Variants in STPG2 observed in about 807,000 individuals in gnomAD.
STPG2 encodes sperm tail PG-rich repeat containing 2.
A neutral mutation model predicts 54.2 loss-of-function variants in STPG2; 56 were observed. That is an observed-to-expected ratio of 1.03 (90% CI 0.83 to 1.29). The LOEUF is 1.29. Ranked by LOEUF, STPG2 falls within the 50% of genes most tolerant of loss-of-function variation. The pLI is 0.00. For missense variants in STPG2, 596 were observed against 544.9 expected (o/e 1.09, Z -0.93); for synonymous variants, 200 against 181.8 (o/e 1.10, Z -0.81).
chr4:97,461,979 TA>T (rs1729675957), intron 4 of STPG2, among the ~76,000 whole-genome samples: 2 of 152,266 alleles, frequency 1.3e-5, no homozygotes, highest in South Asian at 4.1e-4. Context: ...TTTTTATTAT[TA>T]GTTAGCATTT....
chr4:97,984,742 C>A (rs1734778874), intron 5 of STPG2, among the ~76,000 whole-genome samples: 1 of 152,110 alleles, frequency 6.6e-6, no homozygotes, highest in Admixed American at 6.6e-5. Context: ...GTTACGCCCC[C>A]TGTTGGGGAT....
intron 4 of STPG2, among the ~76,000 whole-genome samples, chr4:97,518,200 T>A (rs1731113724): frequency 6.6e-6 from 1 of 152,114 alleles, no homozygotes; most frequent in Non-Finnish European, 1.5e-5. Flanking sequence ...AAGACCCTTC[T>A]ATGAGACATA....
intron 3 of STPG2, among the ~76,000 whole-genome samples, chr4:98,121,494 A>C (rs1034286995): frequency 6.6e-6 from 1 of 150,874 alleles, no homozygotes; most frequent in East Asian, 1.9e-4. Context: ...AGCCTTTTTC[A>C]TGATATGGAT....
At chr4:97,654,248 C>T (rs1508468) in intron 10 of STPG2, among the ~76,000 whole-genome samples, 20,734 of 151,998 alleles carry the variant, frequency 0.14, 4,118 homozygotes, top group African/African-American at 0.44. Flanking sequence ...AAATGTTCAA[C>T]AGTCACAAAA....
intron 3 of STPG2, among the ~76,000 whole-genome samples, chr4:98,116,009 CAATA>C (rs974820452): frequency 1.3e-5 from 2 of 151,614 alleles, no homozygotes; most frequent in South Asian, 4.1e-4. Flanking sequence ...ATTTTTATTC[CAATA>C]AATAAATAAT....
chr4:97,725,926 GA>G (rs968528160), intron 9 of STPG2, among the ~76,000 whole-genome samples: 7 of 147,934 alleles, frequency 4.7e-5, no homozygotes, highest in Non-Finnish European at 7.5e-5. Context: ...CCCCACAAAG[GA>G]AAAAAAAATC....
chr4:97,524,467 C>A (rs1023916532), intron 4 of STPG2, among the ~76,000 whole-genome samples: 11 of 151,786 alleles, frequency 7.2e-5, no homozygotes, highest in Admixed American at 2.6e-4. Context: ...GATTCTTTTT[C>A]TCAACAAACA....
chr4:98,056,628 A>G (rs1737493582), intron 5 of STPG2, among the ~76,000 whole-genome samples: 1 of 149,948 alleles, frequency 6.7e-6, no homozygotes, highest in Non-Finnish European at 1.5e-5. Flanking sequence ...TCAAAAAGGA[A>G]AAAAAAAACA....
At chr4:97,920,368 C>T (rs1732052683) in intron 8 of STPG2, among the ~76,000 whole-genome samples, 1 of 152,176 alleles carries the variant, frequency 6.6e-6, no homozygotes, top group Admixed American at 6.5e-5. Context: ...AATGTTTCCA[C>T]ACTCTGATTC....
chr4:97,452,114 G>GCCCCCCCCCGCCCCCC (rs751089640), intron 4 of STPG2, among the ~76,000 whole-genome samples: 1 of 17,014 alleles, frequency 5.9e-5, no homozygotes, highest in Non-Finnish European at 1.0e-4. Context: ...CAGGAGCCCC[G>GCCCCCCCCCGCCCCCC]CCCCCACCCC....
chr4:97,786,418 G>T (rs1726826356), intron 9 of STPG2, among the ~76,000 whole-genome samples: 1 of 151,744 alleles, frequency 6.6e-6, no homozygotes, highest in South Asian at 2.1e-4. Context: ...TTTTGATGTT[G>T]TCATAAGTCA....
intron 5 of STPG2, among the ~76,000 whole-genome samples, chr4:97,993,796 T>C (rs2149271013): frequency 6.6e-6 from 1 of 152,300 alleles, no homozygotes; most frequent in South Asian, 2.1e-4. Context: ...TTTCTCTTTC[T>C]TCCTGGTTTA....
chr4:98,114,136 A>G (rs1205183113), intron 3 of STPG2, among the ~76,000 whole-genome samples: 1 of 152,098 alleles, frequency 6.6e-6, no homozygotes, highest in Non-Finnish European at 1.5e-5. Flanking sequence ...GAACCTAGCC[A>G]AACAACACTT....
chr4:97,950,535 T>C (rs1455146626), intron 7 of STPG2, among the ~76,000 whole-genome samples: 2 of 152,212 alleles, frequency 1.3e-5, no homozygotes, highest in African/African-American at 2.4e-5. Flanking sequence ...CTTTTTCTGG[T>C]ATCTCCTTGA....
chr4:98,069,706 G>C (rs915588485), intron 5 of STPG2, among the ~76,000 whole-genome samples: 1 of 152,024 alleles, frequency 6.6e-6, no homozygotes, highest in Non-Finnish European at 1.5e-5. Context: ...TTCAAGATTT[G>C]TATAAGCAGA....
chr4:97,855,673 GATCTC>G (rs1465072676), intron 8 of STPG2, among the ~76,000 whole-genome samples: 2 of 152,018 alleles, frequency 1.3e-5, no homozygotes, highest in Non-Finnish European at 2.9e-5. Flanking sequence ...AGTTCAATTC[GATCTC>G]ATTTGTCAGT....
chr4:98,030,780 T>C (rs1463856244), intron 5 of STPG2, among the ~76,000 whole-genome samples: 1 of 151,968 alleles, frequency 6.6e-6, no homozygotes, highest in Admixed American at 6.6e-5. Context: ...AAACAAGCAA[T>C]GGGGAAAGGA....
At chr4:97,771,942 G>A (rs1265450128) in intron 9 of STPG2, among the ~76,000 whole-genome samples, 1 of 152,204 alleles carries the variant, frequency 6.6e-6, no homozygotes, top group East Asian at 1.9e-4. Context: ...ATAAAGGGCT[G>A]TGAGATTGCT....
At position 97,457,026 on chromosome 4, in the gene STPG2, G is replaced by A. The variant is rs117329018; in HGVS notation, c.462+255673C>T. Among the ~76,000 whole-genome samples, 265 of 151,076 alleles carry A rather than the reference G, an allele frequency of 1.8e-3. 13 individuals are homozygous for A. In the East Asian group the frequency reaches 0.049, roughly 28 times the overall value. On this transcript the variant is annotated intron_variant, in intron 4 of 4. Transcript: ENST00000522676. ...ATGTTCCACATCATATGTCATTAGAGAATTGCAAATGAAAACAATAGTGAG... is the reference window on the plus strand; with the variant it reads ...ATGTTCCACATCATATGTCATTAGAAAATTGCAAATGAAAACAATAGTGAG...
Sources: allele counts gnomAD v4.1 joint callset (sites outside exome capture counted in the v4.1 genomes callset), GRCh38; gene constraint gnomAD v4.1.1; transcripts MANE v1.5; gene names NCBI Gene and HGNC (gene_info 2026-07-23, HGNC 2026-07-21).